The following FRMPD2 variants were observed in gnomAD, a reference collection of about 807,000 sequenced individuals.
The protein encoded by FRMPD2 is FERM and PDZ domain-containing protein 2.
FRMPD2 carries 96 observed loss-of-function variants against 140.1 expected under a neutral mutation model. The ratio of observed to expected loss-of-function variants is 0.69; its 90% CI spans 0.58 to 0.81. FRMPD2 has a LOEUF of 0.81. FRMPD2 is among the 40% of genes least tolerant of loss of function. FRMPD2 has a pLI of 0.00. For synonymous variants in FRMPD2, 449 were observed against 547.6 expected (o/e 0.82, Z 2.52); for missense variants, 1,240 against 1,447.4 (o/e 0.86, Z 2.32).
chr10:48,251,508 T>G, intron 2 of FRMPD2, 58 bp downstream of exon 2: 3 of 1,601,488 alleles, frequency 1.9e-6, no homozygotes, highest in Non-Finnish European at 2.6e-6. Context: ...ACTGTGTTTG[T>G]GTGGGAAGCT....
rs1484535936 is a variant in FRMPD2 at position 48,222,449 on chromosome 10, T to C, written c.1319A>G (p.His440Arg). ...FFVSHYGLLQ[H>R]SLTRHQFYLQ... is the part of the protein sequence containing the mutation. ...GTAAAACTGGTGCCTTGTCAGGCTG[T>C]GCCTGGAAAAGAAGTAGCAATAAAA... Residue 440 changes from histidine to arginine, a missense_variant and splice_region_variant, in exon 12 of 29, where the codon CAC (histidine) becomes CGC (arginine). This residue lies in a region of FRMPD2 where 1,161 missense variants were observed against 1,055.9 expected (regional missense o/e 1.10). Coordinates refer to ENST00000374201, the MANE Select transcript of FRMPD2 (RefSeq NM_001018071.4). The C allele has an allele frequency of 4.3e-6, 7 of 1,613,738 alleles. No homozygotes were observed. The South Asian group carries it at 7.7e-5, about 18-fold the overall frequency.
intron 3 of FRMPD2, among the ~76,000 whole-genome samples, chr10:48,248,141 C>T (rs879156726): frequency 6.6e-6 from 1 of 152,212 alleles, no homozygotes; most frequent in East Asian, 1.9e-4. Context: ...TTCACATCTG[C>T]ACTTTTCTCA....
At chr10:48,214,666 A>G (rs1403591622) in intron 12 of FRMPD2, among the ~76,000 whole-genome samples, 2 of 152,248 alleles carry the variant, frequency 1.3e-5, no homozygotes. Context: ...TGGTAGGAAT[A>G]TATCCAAGAG....
chr10:48,190,592 G>A (rs1838807594), intron 16 of FRMPD2, among the ~76,000 whole-genome samples: 1 of 152,182 alleles, frequency 6.6e-6, no homozygotes, highest in South Asian at 2.1e-4. Flanking sequence ...GTCTCAAGCT[G>A]TGCTTCTTGG....
intron 10 of FRMPD2, among the ~76,000 whole-genome samples, chr10:48,223,752 G>A (rs1839662563): frequency 6.6e-6 from 1 of 152,188 alleles, no homozygotes; most frequent in South Asian, 2.1e-4. Flanking sequence ...GCATTAGGAA[G>A]TGGGGTGTTT....
At chr10:48,200,201 A>AAATAAAAAAAC (rs908478061) in intron 15 of FRMPD2, among the ~76,000 whole-genome samples, 2 of 146,686 alleles carry the variant, frequency 1.4e-5, no homozygotes, top group Non-Finnish European at 3.0e-5. Flanking sequence ...AATAAATAAA[A>AAATAAAAAAAC]CAGAGCCAAG....
At chr10:48,250,113 A>G (rs1399682683) in intron 2 of FRMPD2, among the ~76,000 whole-genome samples, 1 of 152,066 alleles carries the variant, frequency 6.6e-6, no homozygotes, top group African/African-American at 2.4e-5. Flanking sequence ...TGCCCACACC[A>G]ACCTCCAGAG....
At position 48,242,171 on chromosome 10, in the gene FRMPD2, G is replaced by A; in HGVS notation, c.557C>T (p.Thr186Ile). The part of the protein sequence containing the change: ...IRRLVGLVLG[T>I]ISEVEKRVVE... ...CGGTTCTCTACTGACCTCAGAAATG[G>A]TACCCAGAACCAAGCCAACCAGCCT... Residue 186 changes from threonine (T) to isoleucine (I), a missense_variant, in exon 5 of 29, where the codon ACC becomes ATC. Physicochemically the swap from Thr to Ile is moderately conservative, Grantham distance 89. This residue lies in a region of FRMPD2 where 1,161 missense variants were observed against 1,055.9 expected (regional missense o/e 1.10). Transcript: ENST00000374201. 2 of 1,611,900 alleles carry A rather than the reference G, an allele frequency of 1.2e-6. No homozygotes were observed. The highest frequency in any genetic ancestry group is 1.7e-6 in the Non-Finnish European group (2 of 1,178,698).
At chr10:48,251,921 G>A (rs1840392432) in intron 1 of FRMPD2, among the ~76,000 whole-genome samples, 1 of 152,174 alleles carries the variant, frequency 6.6e-6, no homozygotes, top group Admixed American at 6.5e-5. Flanking sequence ...CTCAGTGAAT[G>A]AGTAAACAAA....
chr10:48,172,516 C>T lies in FRMPD2; in HGVS notation c.3223+430G>A, dbSNP rs1465245019. Among the ~76,000 whole-genome samples the T allele has an allele frequency of 2.0e-5, 3 of 152,132 alleles. No individual in the cohort carries two copies. The South Asian group carries it at 6.2e-4, about 32-fold the overall frequency. ...CTTTCGTTTGCCTTTTAAAATGATG[C>T]TAATAACAAGGCTAGATTCCTGAAC... On this transcript the variant is annotated intron_variant, in intron 25 of 28. Coordinates refer to ENST00000374201, the MANE Select transcript of FRMPD2 (RefSeq NM_001018071.4).
chr10:48,237,278 G>GC (rs1321292128), intron 8 of FRMPD2, among the ~76,000 whole-genome samples: 4 of 152,160 alleles, frequency 2.6e-5, no homozygotes, highest in African/African-American at 9.7e-5. Flanking sequence ...CTTGTGTCCT[G>GC]CAAGAGTTCC....
chr10:48,263,034 T>C (rs1047848031), intron 1 of FRMPD2, among the ~76,000 whole-genome samples: 4 of 152,024 alleles, frequency 2.6e-5, no homozygotes, highest in African/African-American at 4.8e-5. Flanking sequence ...CCTCAACTAT[T>C]TGGAGATTAA....
chr10:48,273,498 C>A (rs541903985), intron 1 of FRMPD2, among the ~76,000 whole-genome samples: 160 of 152,280 alleles, frequency 1.1e-3, no homozygotes, highest in African/African-American at 3.7e-3. Flanking sequence ...TGCCACTGGG[C>A]CTTTGCATGT....
In FRMPD2 at chr10:48,192,903, G is replaced by T; in HGVS notation, c.1955-9C>A. ...CACAAACTTATCATGGTCTGAATTT[G>T]GGGAGAAAAACATAGACATACACAC... On this transcript the variant is annotated splice_polypyrimidine_tract_variant and intron_variant, in intron 15 of 28. Transcript: ENST00000374201. 1 of 1,607,504 alleles carries T rather than the reference G, an allele frequency of 6.2e-7. No homozygotes were observed. The highest frequency in any genetic ancestry group is 8.5e-7 in the Non-Finnish European group (1 of 1,175,758).
intron 8 of FRMPD2, 91 bp from the exon 9 acceptor site, chr10:48,236,644 A>C: frequency 2.6e-6 from 3 of 1,153,760 alleles, no homozygotes; most frequent in Non-Finnish European, 2.6e-6. Flanking sequence ...TGCAGCCCCC[A>C]CCAGCATACA....
intron 10 of FRMPD2, among the ~76,000 whole-genome samples, chr10:48,228,607 AT>A (rs1839778579): frequency 6.6e-6 from 1 of 152,004 alleles, no homozygotes. Flanking sequence ...GTTTTCACAA[AT>A]TTGTAAAAGG....
rs181800310 is a variant in FRMPD2 at position 48,272,676 on chromosome 10, A to G, written c.25+1867T>C. Among the ~76,000 whole-genome samples, 1,066 of 152,336 alleles carry G rather than the reference A, an allele frequency of 7.0e-3. 5 individuals carry two copies. The highest frequency in any genetic ancestry group is 0.01 in the Non-Finnish European group (703 of 68,032). On this transcript the variant is annotated intron_variant, in intron 1 of 28. Coordinates refer to ENST00000374201, the MANE Select transcript of FRMPD2 (RefSeq NM_001018071.4). ...TTGGTTTGCTGTTTTTTCATTCCCT[A>G]AGAAAACTAAGAAAGTGATGGAGAA...
At chr10:48,236,074 T>G (rs547050669) in intron 9 of FRMPD2, among the ~76,000 whole-genome samples, 1 of 152,232 alleles carries the variant, frequency 6.6e-6, no homozygotes, top group South Asian at 2.1e-4. Flanking sequence ...TTTTGTTTTT[T>G]TTTTTTGCAC....
At chr10:48,183,128 A>G (rs1446814434) in intron 20 of FRMPD2, among the ~76,000 whole-genome samples, 2 of 152,222 alleles carry the variant, frequency 1.3e-5, no homozygotes, top group Non-Finnish European at 2.9e-5. Flanking sequence ...GCATGCATGC[A>G]GAAGTGTTCA....
Sources: gnomAD v4.1 joint callset for allele counts (sites outside exome capture counted in the v4.1 genomes callset) on GRCh38, gnomAD v4.1.1 for gene constraint, gnomAD v4.1.1 regional missense constraint, MANE v1.5 for transcripts, NCBI Gene and HGNC (gene_info 2026-07-23, HGNC 2026-07-21) for gene names.